The following PLCL1 variants were observed in gnomAD, a reference collection of about 807,000 sequenced individuals.
PLCL1 encodes the protein inactive phospholipase C-like protein 1.
Under a neutral mutation model 84.4 loss-of-function variants are expected in PLCL1, and 41 were observed. That is an observed-to-expected ratio of 0.49 (90% CI 0.38 to 0.63). PLCL1 has a LOEUF of 0.63. PLCL1 is among the 30% of genes least tolerant of loss of function. The probability of loss-of-function intolerance (pLI) is 0.00; values close to 1 mark genes in which losing one functional copy is unlikely to be tolerated. For missense variants in PLCL1, 1,206 were observed against 1,367.8 expected, an observed-to-expected ratio of 0.88 and a Z score of 1.87; for synonymous variants, 490 against 488.3, an observed-to-expected ratio of 1.00 and a Z score of -0.05.
At chr2:197,839,856 A>G (rs953749401) in intron 1 of PLCL1, among the ~76,000 whole-genome samples, 21 of 152,200 alleles carry the variant, frequency 1.4e-4, no homozygotes, top group Admixed American at 1.3e-4. Context: ...TAAAAACTGC[A>G]TTAGTATGTT....
At chr2:198,066,908 A>G (rs1692333971) in intron 1 of PLCL1, among the ~76,000 whole-genome samples, 1 of 152,134 alleles carries the variant, frequency 6.6e-6, no homozygotes, top group Non-Finnish European at 1.5e-5. Context: ...AAAATACTCC[A>G]TATTTTCTTT....
chr2:197,971,574 A>G (rs1480661885), intron 1 of PLCL1, among the ~76,000 whole-genome samples: 1 of 152,226 alleles, frequency 6.6e-6, no homozygotes, highest in Non-Finnish European at 1.5e-5. Context: ...AGATACTCTC[A>G]TCAAAAGACC....
At chr2:197,840,248 T>G (rs544321292) in intron 1 of PLCL1, among the ~76,000 whole-genome samples, 7 of 152,304 alleles carry the variant, frequency 4.6e-5, no homozygotes, top group African/African-American at 1.7e-4. Context: ...TTTCACCTTC[T>G]ATGGAAGCTC....
chr2:198,134,636 A>G (rs929498647), intron 5 of PLCL1, among the ~76,000 whole-genome samples: 1 of 152,180 alleles, frequency 6.6e-6, no homozygotes, highest in Non-Finnish European at 1.5e-5. Context: ...CTTTAAAAGC[A>G]TTATGATTTA....
intron 1 of PLCL1, among the ~76,000 whole-genome samples, chr2:197,912,722 C>G (rs1415533688): frequency 3.1e-4 from 42 of 136,120 alleles, no homozygotes; most frequent in African/African-American, 1.1e-3. Flanking sequence ...CATATTCTCA[C>G]TCATAGGTGG....
chr2:197,980,990 G>A (rs534043668), intron 1 of PLCL1, among the ~76,000 whole-genome samples: 1 of 152,190 alleles, frequency 6.6e-6, no homozygotes, highest in East Asian at 1.9e-4. Context: ...GTTTTATTAG[G>A]TTCGTTTTTG....
rs1688587778 is a variant in PLCL1, at chr2:197,915,764, T to C, written c.240+110425T>C. On this transcript the variant is annotated intron_variant, in intron 1 of 5. Transcript: ENST00000428675. Reference sequence around the variant, plus strand: ...TGTGTGATAAGGTGATGATTTCCCTTTCATCTCAAAGCTCTGACTCAAGTG... The same window carrying C: ...TGTGTGATAAGGTGATGATTTCCCTCTCATCTCAAAGCTCTGACTCAAGTG... Among the ~76,000 whole-genome samples, 3 of 152,160 alleles carry C rather than the reference T, an allele frequency of 2.0e-5. No homozygotes were observed. In the South Asian group the frequency reaches 6.2e-4, roughly 32 times the overall value.
chr2:198,022,522 C>A (rs992786744), intron 1 of PLCL1, among the ~76,000 whole-genome samples: 2 of 152,146 alleles, frequency 1.3e-5, no homozygotes, highest in Non-Finnish European at 2.9e-5. Context: ...TCCAAAACTC[C>A]TTAAGCTGAT....
rs1366470628 is a variant in PLCL1, at chr2:198,148,410, ATTG to A, written c.*1451_*1453del. On this transcript the variant is annotated 3_prime_UTR_variant, in exon 6 of 6. Coordinates refer to ENST00000428675, the MANE Select transcript of PLCL1 (RefSeq NM_006226.4). ...GAGTAAAGATATGAAAAAAACACTT[ATTG>A]TTTTCTTTTATTGTGAATTGAAAAA... The A allele has an allele frequency of 3.9e-5, 6 of 152,386 alleles. No homozygotes were observed. The South Asian group carries it at 1.2e-3, about 32-fold the overall frequency. 9.4% of individuals were successfully genotyped at this position (152,386 alleles called of 1,614,324 possible).
At chr2:197,901,482 G>A (rs1688267547) in intron 1 of PLCL1, among the ~76,000 whole-genome samples, 1 of 152,120 alleles carries the variant, frequency 6.6e-6, no homozygotes, top group East Asian at 1.9e-4. Flanking sequence ...GAGATTTTCC[G>A]ATGAAGTAGG....
intron 1 of PLCL1, among the ~76,000 whole-genome samples, chr2:197,923,677 G>C (rs937663975): frequency 6.6e-6 from 1 of 150,754 alleles, no homozygotes; most frequent in Non-Finnish European, 1.5e-5. Flanking sequence ...TTCCAGACTG[G>C]GCAGCCAGGC....
At chr2:198,111,111 C>T (rs780502181) in intron 5 of PLCL1, among the ~76,000 whole-genome samples, 3 of 151,820 alleles carry the variant, frequency 2.0e-5, no homozygotes, top group Non-Finnish European at 2.9e-5. Context: ...TGTCTCTATG[C>T]TCTTGTATCA....
chr2:198,091,558 T>C (rs1342818441), intron 3 of PLCL1, among the ~76,000 whole-genome samples: 1 of 151,886 alleles, frequency 6.6e-6, no homozygotes, highest in African/African-American at 2.4e-5. Context: ...CACCCGCCTG[T>C]AATCCCAGCT....
At chr2:197,969,352 T>C (rs1473536718) in intron 1 of PLCL1, among the ~76,000 whole-genome samples, 2 of 152,116 alleles carry the variant, frequency 1.3e-5, no homozygotes, top group Non-Finnish European at 2.9e-5. Flanking sequence ...TATAATAGAG[T>C]TGAGATATCT....
intron 1 of PLCL1, among the ~76,000 whole-genome samples, chr2:198,019,688 AG>A (rs1324975081): frequency 1.3e-5 from 2 of 152,192 alleles, no homozygotes; most frequent in Non-Finnish European, 2.9e-5. Context: ...GATTAGAGAA[AG>A]AAAGAATGAA....
intron 1 of PLCL1, among the ~76,000 whole-genome samples, chr2:197,984,126 A>G (rs1307192526): frequency 2.2e-4 from 34 of 152,230 alleles, no homozygotes; most frequent in Non-Finnish European, 1.5e-5. Flanking sequence ...TGTAGTGATT[A>G]GGCAGATCTG....
rs1688010964 is a variant in PLCL1 at position 197,890,830 on chromosome 2, T to TGCATATATATATGCAC, written c.240+85502_240+85517dup. Among the ~76,000 whole-genome samples the TGCATATATATATGCAC allele has an allele frequency of 8.2e-4, 22 of 26,886 alleles. 1 individual carries two copies. The South Asian group carries it at 0.019, about 24-fold the overall frequency. 17.6% of individuals were successfully genotyped at this position (26,886 alleles called of 152,430 possible). A position where few individuals can be genotyped will look rare whatever the true frequency, so the allele number is the denominator to read the frequency against. ...CTATATATGTGTATATATACATATA[T>TGCATATATATATGCAC]GCATATATATATGCACGCATATATA... On this transcript the variant is annotated intron_variant, in intron 1 of 5. Transcript: ENST00000428675.
chr2:198,136,623 C>T (rs1694262028), intron 5 of PLCL1, among the ~76,000 whole-genome samples: 1 of 152,086 alleles, frequency 6.6e-6, no homozygotes, highest in Non-Finnish European at 1.5e-5. Flanking sequence ...TCTTGGGCAG[C>T]CAGCTTATGT....
chr2:198,118,874 T>C (rs1269959403), intron 5 of PLCL1, among the ~76,000 whole-genome samples: 1 of 152,028 alleles, frequency 6.6e-6, no homozygotes, highest in Non-Finnish European at 1.5e-5. Flanking sequence ...TGCCTTTAAC[T>C]ATTATTACAT....
Sources: gnomAD v4.1 joint callset for allele counts (sites outside exome capture counted in the v4.1 genomes callset) on GRCh38, gnomAD v4.1.1 for gene constraint, MANE v1.5 for transcripts, NCBI Gene and HGNC (gene_info 2026-07-23, HGNC 2026-07-21) for gene names.